Variants in EXOC6B observed in about 807,000 individuals in gnomAD.
EXOC6B encodes the protein SEC15 homolog B.
EXOC6B carries 54 observed loss-of-function variants against 113.5 expected under a neutral mutation model. That is an observed-to-expected ratio of 0.48 (90% CI 0.38 to 0.60). The LOEUF is 0.60. EXOC6B is among the 20% of genes least tolerant of loss of function. The pLI, the probability that EXOC6B is intolerant of heterozygous loss-of-function variation, is 0.00. For missense variants in EXOC6B, 797 were observed against 977.5 expected, an observed-to-expected ratio of 0.82 and a Z score of 2.46; for synonymous variants, 357 against 339.0, an observed-to-expected ratio of 1.05 and a Z score of -0.58.
chr2:72,701,477 C>A (rs1243201069), intron 6 of EXOC6B, among the ~76,000 whole-genome samples: 3 of 151,734 alleles, frequency 2.0e-5, no homozygotes. Context: ...CTAAGAAAGG[C>A]AGGAAAATAT....
chr2:72,266,735 C>T (rs1284687035), intron 20 of EXOC6B, among the ~76,000 whole-genome samples: 40 of 152,142 alleles, frequency 2.6e-4, no homozygotes, highest in Admixed American at 1.2e-3. Flanking sequence ...CTTGGTGATG[C>T]GGGCTCTTTT....
chr2:72,217,268 C>T (rs1466117034), intron 20 of EXOC6B, among the ~76,000 whole-genome samples: 1 of 152,052 alleles, frequency 6.6e-6, no homozygotes, highest in Non-Finnish European at 1.5e-5. Flanking sequence ...ATTCTGGTAC[C>T]TAAACCTCAC....
intron 2 of EXOC6B, among the ~76,000 whole-genome samples, chr2:72,736,077 G>A (rs887334462): frequency 2.6e-5 from 4 of 151,704 alleles, no homozygotes; most frequent in Non-Finnish European, 2.9e-5. Context: ...CAGCTACTTA[G>A]AAGGCTGAGG....
intron 18 of EXOC6B, among the ~76,000 whole-genome samples, chr2:72,394,566 A>G (rs1287723612): frequency 6.6e-6 from 1 of 152,140 alleles, no homozygotes; most frequent in Non-Finnish European, 1.5e-5. Context: ...ATAGAATGAG[A>G]ATTACTCATA....
rs1186939557 is a variant in EXOC6B at position 72,653,979 on chromosome 2, T to A, written c.669+64124A>T. The stretch of plus-strand genomic sequence containing the variant: ...GTCATGAATTTTATTTATTTTTTTT[T>A]TTTTTTTTGAGACGGAGTCTTACTC... On this transcript the variant is annotated intron_variant, in intron 6 of 21. Coordinates refer to ENST00000272427, the MANE Select transcript of EXOC6B (RefSeq NM_015189.3). Among the ~76,000 whole-genome samples, 131 of 151,498 alleles carry A rather than the reference T, an allele frequency of 8.6e-4. 1 individual carries two copies. The highest frequency in any genetic ancestry group is 6.8e-3 in the Middle Eastern group (2 of 292).
chr2:72,418,959 C>A (rs1203990401), intron 18 of EXOC6B, among the ~76,000 whole-genome samples: 2 of 151,892 alleles, frequency 1.3e-5, no homozygotes, highest in Non-Finnish European at 2.9e-5. Context: ...AGATTCATTT[C>A]TAATTTCTTC....
chr2:72,495,513 G>A lies in EXOC6B; in HGVS notation c.1470C>T (p.Phe490=). 2 of 1,607,372 alleles carry A rather than the reference G, an allele frequency of 1.2e-6. No individual in the cohort carries two copies. Among genetic ancestry groups the A allele is most frequent in the Non-Finnish European group, 1.7e-6 (2 of 1,176,258 alleles). Residue 490 remains phenylalanine (F), a synonymous_variant, in exon 15 of 22, where the codon TTC becomes TTT. Coordinates refer to ENST00000272427, the MANE Select transcript of EXOC6B (RefSeq NM_015189.3). ...TGTAAACTTTTGGCACAAATTCAGA[G>A]AAAGGAAACTTTTTTGGAAATGGTT... ...EKQPFPKKFP[F]SEFVPKVYNQ...
intron 6 of EXOC6B, among the ~76,000 whole-genome samples, chr2:72,689,397 A>C (rs910151273): frequency 6.6e-6 from 1 of 152,098 alleles, no homozygotes; most frequent in Non-Finnish European, 1.5e-5. Context: ...TCATATTTCT[A>C]TAGGAGTCTC....
At chr2:72,496,672 A>G (rs1700052352) in intron 13 of EXOC6B, 113 bp from the exon 14 acceptor site, 1 of 689,934 alleles carries the variant, frequency 1.4e-6, no homozygotes, top group Non-Finnish European at 2.6e-6. Context: ...ATGAACTCCA[A>G]TCTTAATATA....
chr2:72,759,072 A>G (rs1682603162), intron 1 of EXOC6B, among the ~76,000 whole-genome samples: 1 of 152,198 alleles, frequency 6.6e-6, no homozygotes, highest in South Asian at 2.1e-4. Flanking sequence ...CCAGACTTTC[A>G]GGATTTGAGC....
chr2:72,260,563 C>T (rs1435547656), intron 20 of EXOC6B, among the ~76,000 whole-genome samples: 2 of 152,050 alleles, frequency 1.3e-5, no homozygotes, highest in African/African-American at 4.8e-5. Context: ...TTTCAAACAC[C>T]CTGAAAGTGT....
At chr2:72,704,609 GA>G (rs1206271145) in intron 6 of EXOC6B, among the ~76,000 whole-genome samples, 2 of 151,942 alleles carry the variant, frequency 1.3e-5, no homozygotes, top group Non-Finnish European at 2.9e-5. Flanking sequence ...AAAGAGAGAA[GA>G]ATCAAATAGA....
chr2:72,380,095 T>C (rs1365060652), intron 18 of EXOC6B, among the ~76,000 whole-genome samples: 1 of 152,196 alleles, frequency 6.6e-6, no homozygotes, highest in Non-Finnish European at 1.5e-5. Flanking sequence ...AACACTAAGC[T>C]AAAATTCACA....
chr2:72,626,390 A>G (rs1418381208), intron 6 of EXOC6B, among the ~76,000 whole-genome samples: 1 of 152,170 alleles, frequency 6.6e-6, no homozygotes, highest in African/African-American at 2.4e-5. Context: ...TTTATGATTT[A>G]GCCTCATCCA....
At chr2:72,467,778 A>AT (rs201874813) in intron 17 of EXOC6B, among the ~76,000 whole-genome samples, 3,720 of 148,058 alleles carry the variant, frequency 0.025, 65 homozygotes, top group South Asian at 0.073. Flanking sequence ...TTTTTTATTT[A>AT]TTTTTTTTTT....
intron 6 of EXOC6B, among the ~76,000 whole-genome samples, chr2:72,665,474 A>C (rs950009672): frequency 5.9e-5 from 9 of 152,158 alleles, no homozygotes; most frequent in Non-Finnish European, 1.2e-4. Flanking sequence ...CTTATAAAGG[A>C]AATAGCATTA....
rs369931929 is a variant in EXOC6B, at chr2:72,713,515, C to T, written c.669+4588G>A. ...GTTACATATGTATACATGTGCCATG[C>T]TGGTGTGCTGCACCCATTAACTCGT... On this transcript the variant is annotated intron_variant, in intron 6 of 21. Transcript: ENST00000272427. 2.0e-4 allele frequency among the ~76,000 whole-genome samples: 30 copies of T among 151,962 alleles called. No individual in the cohort carries two copies. In the East Asian group the frequency reaches 3.3e-3, roughly 17 times the overall value.
chr2:72,494,071 A>C (rs186886448), intron 15 of EXOC6B, among the ~76,000 whole-genome samples: 3 of 152,284 alleles, frequency 2.0e-5, no homozygotes, highest in Admixed American at 6.5e-5. Context: ...AAAATCCCCA[A>C]GTTAAATATT....
chr2:72,220,866 A>G (rs1680825906), intron 20 of EXOC6B, among the ~76,000 whole-genome samples: 1 of 152,170 alleles, frequency 6.6e-6, no homozygotes. Context: ...ATAGGTGTAC[A>G]TAGTTTAGGG....
Sources: allele counts gnomAD v4.1 joint callset (sites outside exome capture counted in the v4.1 genomes callset), GRCh38; gene constraint gnomAD v4.1.1; transcripts MANE v1.5; gene names NCBI Gene and HGNC (gene_info 2026-07-23, HGNC 2026-07-21).